IMMP2L: variants seen among roughly 807,000 people sequenced by gnomAD.
IMMP2L encodes the protein mitochondrial inner membrane protease subunit 2.
Under a neutral mutation model 19.3 loss-of-function variants are expected in IMMP2L, and 18 were observed. The ratio of observed to expected loss-of-function variants is 0.93; its 90% CI spans 0.64 to 1.38. The LOEUF (loss-of-function observed/expected upper bound fraction) is 1.38. IMMP2L is among the 40% of genes most tolerant of loss of function. The pLI is 0.00. For synonymous variants in IMMP2L, 76 were observed against 73.0 expected (o/e 1.04, Z -0.21); for missense variants, 233 against 218.2 (o/e 1.07, Z -0.43).
At chr7:111,400,587 T>C (rs1239538861) in intron 3 of IMMP2L, among the ~76,000 whole-genome samples, 1 of 152,112 alleles carries the variant, frequency 6.6e-6, no homozygotes, top group Non-Finnish European at 1.5e-5. Flanking sequence ...GGCTTTTCTA[T>C]GGATCAGCCA....
chr7:110,810,646 G>A (rs1801973815), intron 5 of IMMP2L, among the ~76,000 whole-genome samples: 3 of 151,930 alleles, frequency 2.0e-5, no homozygotes, highest in South Asian at 4.2e-4. Context: ...TTAGAGTTCC[G>A]ATAATGGAAC....
intron 3 of IMMP2L, among the ~76,000 whole-genome samples, chr7:111,090,154 G>T (rs1796708397): frequency 6.6e-6 from 1 of 151,912 alleles, no homozygotes; most frequent in African/African-American, 2.4e-5. Flanking sequence ...TTTTAAAACT[G>T]CTTTTTGATT....
At chr7:110,915,757 C>A (rs1004455133) in intron 4 of IMMP2L, among the ~76,000 whole-genome samples, 8 of 151,856 alleles carry the variant, frequency 5.3e-5, no homozygotes, top group African/African-American at 1.5e-4. Context: ...AACTTTTACT[C>A]CAATTGTTTT....
intron 4 of IMMP2L, among the ~76,000 whole-genome samples, chr7:110,949,227 T>G (rs1201984301): frequency 6.6e-6 from 1 of 152,184 alleles, no homozygotes; most frequent in Non-Finnish European, 1.5e-5. Context: ...TGTATTGGTT[T>G]TGTCTCTCTG....
At chr7:110,967,257 AT>A (rs1378756841) in intron 3 of IMMP2L, among the ~76,000 whole-genome samples, 2 of 151,860 alleles carry the variant, frequency 1.3e-5, no homozygotes, top group Admixed American at 6.6e-5. Flanking sequence ...CACTAATTTC[AT>A]GTTTTTTTAT....
chr7:111,290,205 A>G (rs928825286), intron 3 of IMMP2L, among the ~76,000 whole-genome samples: 3 of 152,160 alleles, frequency 2.0e-5, no homozygotes, highest in African/African-American at 7.2e-5. Context: ...ACATCATGCT[A>G]TTGATCCACC....
chr7:110,772,423 T>C (rs543050145), intron 5 of IMMP2L, among the ~76,000 whole-genome samples: 1 of 152,286 alleles, frequency 6.6e-6, no homozygotes, highest in Non-Finnish European at 1.5e-5. Flanking sequence ...TCACCCAATT[T>C]AACCTACGGC....
intron 5 of IMMP2L, among the ~76,000 whole-genome samples, chr7:110,865,677 G>A (rs907018468): frequency 2.0e-5 from 3 of 151,926 alleles, no homozygotes; most frequent in East Asian, 1.9e-4. Context: ...AGGCAGCACC[G>A]ATGAACCCCG....
intron 3 of IMMP2L, among the ~76,000 whole-genome samples, chr7:111,189,998 A>C (rs886407370): frequency 6.6e-6 from 1 of 152,168 alleles, no homozygotes; most frequent in Non-Finnish European, 1.5e-5. Flanking sequence ...TTGATATGAT[A>C]ATTTCAGTTG....
At chr7:111,465,362 T>A (rs991122445) in intron 3 of IMMP2L, among the ~76,000 whole-genome samples, 15 of 151,988 alleles carry the variant, frequency 9.9e-5, no homozygotes, top group Non-Finnish European at 2.2e-4. Flanking sequence ...TTCCGGCTTT[T>A]AAAAGACAGT....
intron 3 of IMMP2L, among the ~76,000 whole-genome samples, chr7:111,148,229 T>C (rs1384120084): frequency 6.6e-6 from 1 of 152,118 alleles, no homozygotes; most frequent in Non-Finnish European, 1.5e-5. Flanking sequence ...CTTGAAAACA[T>C]TATGCTAACT....
chr7:111,335,376 A>G (rs1274065263), intron 3 of IMMP2L, among the ~76,000 whole-genome samples: 1 of 152,168 alleles, frequency 6.6e-6, no homozygotes, highest in East Asian at 1.9e-4. Context: ...ATGTCTAAAG[A>G]GTGGAAATAT....
intron 3 of IMMP2L, among the ~76,000 whole-genome samples, chr7:111,188,512 C>T (rs1196730353): frequency 6.6e-6 from 1 of 152,024 alleles, no homozygotes; most frequent in African/African-American, 2.4e-5. Flanking sequence ...CTAGTTACCT[C>T]CCAAAGGCTC....
chr7:111,345,679 G>A (rs1004731720), intron 3 of IMMP2L, among the ~76,000 whole-genome samples: 1 of 152,078 alleles, frequency 6.6e-6, no homozygotes, highest in Non-Finnish European at 1.5e-5. Context: ...ATTATCTAGT[G>A]GGATTCTGGC....
intron 5 of IMMP2L, among the ~76,000 whole-genome samples, chr7:110,876,206 A>C (rs2129544374): frequency 6.6e-6 from 1 of 152,300 alleles, no homozygotes; most frequent in East Asian, 1.9e-4. Flanking sequence ...ATGGTTTACC[A>C]AAATATTCGC....
chr7:111,506,289 T>C (rs1452740149), intron 2 of IMMP2L, among the ~76,000 whole-genome samples: 1 of 151,764 alleles, frequency 6.6e-6, no homozygotes, highest in East Asian at 1.9e-4. Context: ...ACCCCAGAGG[T>C]CTCTTTCTAA....
At chr7:111,094,509 T>G (rs1188295932) in intron 3 of IMMP2L, among the ~76,000 whole-genome samples, 1 of 152,186 alleles carries the variant, frequency 6.6e-6, no homozygotes, top group African/African-American at 2.4e-5. Context: ...TCTGAGAGTT[T>G]AGCTACTTAT....
chr7:110,701,301 C>T (rs755223339), intron 5 of IMMP2L, among the ~76,000 whole-genome samples: 12 of 152,176 alleles, frequency 7.9e-5, no homozygotes, highest in Non-Finnish European at 1.6e-4. Flanking sequence ...ATTACTATCA[C>T]TTTTAGCAAT....
chr7:111,498,450 A>T (rs1362546857), intron 2 of IMMP2L, among the ~76,000 whole-genome samples: 1 of 152,114 alleles, frequency 6.6e-6, no homozygotes, highest in Non-Finnish European at 1.5e-5. Flanking sequence ...TAACTTCCTC[A>T]TAAAACTGAA....
Sources: gnomAD v4.1 joint callset for allele counts (sites outside exome capture counted in the v4.1 genomes callset) on GRCh38, gnomAD v4.1.1 for gene constraint, MANE v1.5 for transcripts, NCBI Gene and HGNC (gene_info 2026-07-23, HGNC 2026-07-21) for gene names.